The following ZNF514 variants were observed in gnomAD, a reference collection of about 807,000 sequenced individuals.
The protein encoded by ZNF514 is zinc finger protein 514.
A neutral mutation model predicts 9.7 loss-of-function variants in ZNF514; 12 were observed. The observed-to-expected ratio is 1.24, with a 90% CI of 0.79 to 2.01. The LOEUF is 2.01. ZNF514 is among the 30% of genes most tolerant of loss of function. ZNF514 has a pLI of 0.00. For missense variants in ZNF514, 467 were observed against 465.5 expected (o/e 1.00, Z -0.03); for synonymous variants, 158 against 163.7 (o/e 0.97, Z 0.27).
chr2:95,152,582 T>C, intron 4 of ZNF514, 92 bp downstream of exon 4: 1 of 1,019,528 alleles, frequency 9.8e-7, no homozygotes, highest in South Asian at 1.3e-5. Context: ...GATCTCATCT[T>C]CTGAAAGGAC....
the ZNF514 span, among the ~76,000 whole-genome samples, chr2:95,133,174 AAAAGCC>A: frequency 6.6e-6 from 1 of 152,126 alleles, no homozygotes; most frequent in Admixed American, 6.6e-5. Flanking sequence ...GCTAAATGAA[AAAAGCC>A]AATCTTGGCC....
chr2:95,142,400 C>T (rs1259708821), downstream of ZNF514, among the ~76,000 whole-genome samples: 3 of 152,166 alleles, frequency 2.0e-5, no homozygotes, highest in Non-Finnish European at 4.4e-5. Flanking sequence ...CCAGGTAATT[C>T]TAAATTTGAA....
rs568542517 is a variant in ZNF514, at chr2:95,149,681, G to A, written c.804C>T (p.Ala268=). 4 of 1,614,216 alleles carry A rather than the reference G, an allele frequency of 2.5e-6. No homozygotes were observed. In the African/African-American group the frequency reaches 5.3e-5, roughly 22 times the overall value. The part of the protein sequence containing the change: ...KPYECSECGR[A]FSQSSSLVLH... ...GAACAAGAGACGAACTCTGGCTGAA[G>A]GCTCTCCCACATTCACTGCATTCAT... The change falls in exon 5 of 5, where the codon GCC becomes GCT. Residue 268 remains alanine (A), a synonymous_variant. Transcript: ENST00000295208.
At chr2:95,150,596 A>T (rs533726952) in intron 4 of ZNF514, among the ~76,000 whole-genome samples, 1 of 152,312 alleles carries the variant, frequency 6.6e-6, no homozygotes, top group East Asian at 1.9e-4. Flanking sequence ...TGGAGACAAA[A>T]ATCAATAAAC....
chr2:95,152,770 C>A lies in ZNF514; in HGVS notation c.122-1G>T. On this transcript the variant is annotated splice_acceptor_variant, in intron 3 of 4. Coordinates refer to ENST00000295208, the MANE Select transcript of ZNF514 (RefSeq NM_032788.3). LOFTEE classifies it high-confidence loss of function. ...ACATATGGTTTGGATACTAGAAGGC[C>A]TGATGGTAGAGAAGGAAAAGGATTT... 6.2e-7 allele frequency: 1 copy of A among 1,613,884 alleles called. No individual in the cohort carries two copies. Among genetic ancestry groups the A allele is most frequent in the Non-Finnish European group, 8.5e-7 (1 of 1,179,812 alleles).
Position 95,159,611 on chromosome 2 carries a change from C to T in ZNF514, c.-467G>A, listed in dbSNP as rs1401715779. On this transcript the variant is annotated 5_prime_UTR_variant, in exon 1 of 5. Coordinates refer to ENST00000295208, the MANE Select transcript of ZNF514 (RefSeq NM_032788.3). ...GCCCCGCCCGCCACCCCGCGCCAGC[C>T]CCCGCCCGCCACCCCGCGCCAGCCC... is the stretch of plus-strand genomic sequence containing the variant. 11 of 135,150 alleles carry T rather than the reference C, an allele frequency of 8.1e-5. No individual in the cohort carries two copies. The highest frequency in any genetic ancestry group is 2.2e-4 in the Admixed American group (3 of 13,816). 8.4% of individuals were successfully genotyped at this position (135,150 alleles called of 1,614,324 possible). A position where few individuals can be genotyped will look rare whatever the true frequency, so the allele number is the denominator to read the frequency against.
intron 4 of ZNF514, among the ~76,000 whole-genome samples, chr2:95,151,650 G>C (rs889615019): frequency 6.6e-6 from 1 of 152,184 alleles, no homozygotes; most frequent in African/African-American, 2.4e-5. Context: ...GCACACTTCT[G>C]AAGAAGGAAA....
chr2:95,128,386 G>A, the ZNF514 span, among the ~76,000 whole-genome samples: 14 of 130,114 alleles, frequency 1.1e-4, no homozygotes, highest in East Asian at 6.9e-4. Context: ...GCAAGGCTTC[G>A]TCTCAAAAAA....
chr2:95,144,682 C>T (rs1344229597), downstream of ZNF514, among the ~76,000 whole-genome samples: 1 of 152,166 alleles, frequency 6.6e-6, no homozygotes, highest in Non-Finnish European at 1.5e-5. Flanking sequence ...TTCTGATATA[C>T]ATTCTAGAAA....
the ZNF514 span, among the ~76,000 whole-genome samples, chr2:95,134,955 C>CAACAGAATAT: frequency 2.4e-4 from 37 of 152,252 alleles, no homozygotes; most frequent in East Asian, 7.1e-3. Flanking sequence ...TCTATATATC[C>CAACAGAATAT]ATAATTTTAC....
chr2:95,130,894 G>A, the ZNF514 span, among the ~76,000 whole-genome samples: 2 of 152,134 alleles, frequency 1.3e-5, no homozygotes, highest in African/African-American at 2.4e-5. Context: ...AAATCACAAG[G>A]GTATTGATTG....
In ZNF514 at chr2:95,149,688, C is replaced by G; in HGVS notation, c.797G>C (p.Gly266Ala). ...AGACGAACTCTGGCTGAAGGCTCTC[C>G]CACATTCACTGCATTCATAGGGCTT... Reference protein sequence around the residue: ...GEKPYECSECGRAFSQSSSLV... With the variant: ...GEKPYECSECARAFSQSSSLV... Residue 266 changes from glycine to alanine, a missense_variant, in exon 5 of 5, where the codon GGG (glycine) becomes GCG (alanine). Physicochemically the swap from Gly to Ala is moderately conservative, Grantham distance 60. Transcript: ENST00000295208. 1.2e-6 allele frequency: 2 copies of G among 1,614,190 alleles called. No homozygotes were observed. Among genetic ancestry groups the G allele is most frequent in the Non-Finnish European group, 1.7e-6 (2 of 1,180,026 alleles).
chr2:95,124,436 C>G, the ZNF514 span, among the ~76,000 whole-genome samples: 1 of 152,050 alleles, frequency 6.6e-6, no homozygotes, highest in African/African-American at 2.4e-5. Flanking sequence ...ATTTGTTTAA[C>G]CATTCACCCA....
chr2:95,143,492 G>T (rs1394056234), downstream of ZNF514, among the ~76,000 whole-genome samples: 2 of 152,122 alleles, frequency 1.3e-5, no homozygotes, highest in East Asian at 3.9e-4. Flanking sequence ...GGTGGTGCAT[G>T]TCTGTAATCC....
chr2:95,136,070 T>A, the ZNF514 span, among the ~76,000 whole-genome samples: 1 of 152,004 alleles, frequency 6.6e-6, no homozygotes, highest in Non-Finnish European at 1.5e-5. Context: ...CTCAAAAAAA[T>A]AAAAATTAAA....
intron 3 of ZNF514, 148 bp from the exon 4 acceptor site, chr2:95,152,917 T>A: frequency 1.1e-6 from 1 of 945,172 alleles, no homozygotes; most frequent in Non-Finnish European, 1.6e-6. Flanking sequence ...GCCAGGTAAC[T>A]TCCTATTTCA....
the ZNF514 span, among the ~76,000 whole-genome samples, chr2:95,128,716 A>G: frequency 1.3e-5 from 2 of 150,460 alleles, no homozygotes; most frequent in Admixed American, 6.6e-5. Context: ...AAGGAGAAAG[A>G]AGGAGGAGGG....
downstream of ZNF514, among the ~76,000 whole-genome samples, chr2:95,142,992 A>C (rs1673283553): frequency 6.6e-6 from 1 of 152,208 alleles, no homozygotes; most frequent in South Asian, 2.1e-4. Context: ...TACTTGGATT[A>C]ATCAAACAGA....
intron 4 of ZNF514, 57 bp from the exon 5 acceptor site, chr2:95,150,324 A>G: frequency 6.8e-7 from 1 of 1,467,796 alleles, no homozygotes; most frequent in East Asian, 2.3e-5. Flanking sequence ...TGTCCTATGT[A>G]GCAAGAAAAG....
Sources: allele counts gnomAD v4.1 joint callset (sites outside exome capture counted in the v4.1 genomes callset), GRCh38; gene constraint gnomAD v4.1.1; transcripts MANE v1.5; gene names NCBI Gene and HGNC (gene_info 2026-07-23, HGNC 2026-07-21).